The following RCL1 variants were observed in gnomAD, a reference collection of about 807,000 sequenced individuals.
The protein encoded by RCL1 is RNA 3'-terminal phosphate cyclase-like protein.
A neutral mutation model predicts 42.4 loss-of-function variants in RCL1; 24 were observed. The observed-to-expected ratio is 0.57, with a 90% CI of 0.41 to 0.80. The LOEUF is 0.80. RCL1 is among the 30% of genes least tolerant of loss of function. The pLI is 0.00. For missense variants in RCL1, 578 were observed against 467.9 expected, an observed-to-expected ratio of 1.24 and a Z score of -2.17; for synonymous variants, 228 against 177.3, an observed-to-expected ratio of 1.29 and a Z score of -2.27.
intron 8 of RCL1, among the ~76,000 whole-genome samples, chr9:4,850,006 G>T (rs1309012541): frequency 6.6e-6 from 1 of 152,202 alleles, no homozygotes; most frequent in Non-Finnish European, 1.5e-5. Context: ...TGGACTAGTA[G>T]GGAATTGTAG....
At position 4,823,557 on chromosome 9, in the gene RCL1, C is replaced by G. The variant is rs778253688; in HGVS notation, c.146C>G (p.Ala49Gly). The G allele has an allele frequency of 6.2e-7, 1 of 1,609,950 alleles. No individual in the cohort carries two copies. The highest frequency in any genetic ancestry group is 8.5e-7 in the Non-Finnish European group (1 of 1,178,304). ...TTTTTTTTCTTCACAGATTTTGAAG[C>G]CAGCTTCATAAGGCTATTGGACAAA... is the stretch of plus-strand genomic sequence containing the variant. ...DDNPGLRDFE[A>G]SFIRLLDKIT... Residue 49 changes from alanine to glycine, a missense_variant, in exon 2 of 9, where the codon GCC becomes GGC. By Grantham distance (60) the Ala-to-Gly change is moderately conservative. Coordinates refer to ENST00000381750, the MANE Select transcript of RCL1 (RefSeq NM_005772.5).
intron 5 of RCL1, 144 bp downstream of exon 5, chr9:4,834,409 T>C: frequency 3.6e-6 from 3 of 840,070 alleles, no homozygotes; most frequent in Non-Finnish European, 5.2e-6. Flanking sequence ...GAAATTGTAA[T>C]TGCTGGCTGA....
chr9:4,845,544 A>C (rs527299296), intron 7 of RCL1, among the ~76,000 whole-genome samples: 72 of 152,366 alleles, frequency 4.7e-4, no homozygotes, highest in African/African-American at 1.6e-3. Flanking sequence ...AATAAGATAC[A>C]GTTTCCTAAA....
intron 1 of RCL1, among the ~76,000 whole-genome samples, chr9:4,818,294 C>T (rs543338738): frequency 1.3e-5 from 2 of 152,058 alleles, no homozygotes; most frequent in South Asian, 2.1e-4. Flanking sequence ...ATTTTTCTTT[C>T]TATACAATAC....
Position 4,806,040 on chromosome 9 carries a change from G to GTT in RCL1, c.136+12814_136+12815insTT, listed in dbSNP as rs1554636256. Among the ~76,000 whole-genome samples, 258 of 136,346 alleles carry GTT rather than the reference G, an allele frequency of 1.9e-3. 1 individual carries two copies. The highest frequency in any genetic ancestry group is 6.4e-3 in the African/African-American group (237 of 37,148). The allele number at this position is 136,346 out of a possible 152,430, so 89.4% of individuals were successfully genotyped here. A position where few individuals can be genotyped will look rare whatever the true frequency, so the allele number is the denominator to read the frequency against. ...GGGGTGTGTGTGTGTGTGTGTGTGT[G>GTT]TGTGTTTGTGTGTGTGTGTGTGTTT... On this transcript the variant is annotated intron_variant, in intron 1 of 8. Coordinates refer to ENST00000381750, the MANE Select transcript of RCL1 (RefSeq NM_005772.5).
intron 5 of RCL1, among the ~76,000 whole-genome samples, chr9:4,840,090 G>C (rs1817265019): frequency 6.6e-6 from 1 of 152,028 alleles, no homozygotes; most frequent in East Asian, 1.9e-4. Context: ...ACTGTCACCA[G>C]CATGAGGAAG....
chr9:4,855,442 G>T (rs572014012), intron 8 of RCL1, among the ~76,000 whole-genome samples: 33 of 152,254 alleles, frequency 2.2e-4, no homozygotes, highest in African/African-American at 7.7e-4. Flanking sequence ...GAAGAGAGGG[G>T]CAGGGAAATA....
chr9:4,858,828 T>C (rs1818053637), intron 8 of RCL1, among the ~76,000 whole-genome samples: 1 of 152,196 alleles, frequency 6.6e-6, no homozygotes, highest in South Asian at 2.1e-4. Context: ...TTTGTAATAC[T>C]TCACTATAGA....
chr9:4,799,315 A>G (rs1159005885), intron 1 of RCL1, among the ~76,000 whole-genome samples: 1 of 152,038 alleles, frequency 6.6e-6, no homozygotes, highest in African/African-American at 2.4e-5. Flanking sequence ...ATCTTTTTTA[A>G]GAAAACAAAC....
chr9:4,803,844 ACTT>A (rs1379352199), intron 1 of RCL1: 4 of 163,040 alleles, frequency 2.5e-5, no homozygotes, highest in Admixed American at 6.2e-5. Context: ...GCAGGGTTGT[ACTT>A]CTGGCATTGG....
chr9:4,793,928 T>C (rs1002804896), intron 1 of RCL1, among the ~76,000 whole-genome samples: 2 of 152,222 alleles, frequency 1.3e-5, no homozygotes, highest in African/African-American at 4.8e-5. Context: ...GCTCACTTCT[T>C]GCTCTGCAAT....
chr9:4,826,790 C>T, intron 2 of RCL1, 68 bp from the exon 3 acceptor site: 3 of 1,368,462 alleles, frequency 2.2e-6, no homozygotes, highest in Non-Finnish European at 3.0e-6. Flanking sequence ...GAACTCACTG[C>T]CTTCATTACC....
Position 4,860,320 on chromosome 9 carries a change from AGCTG to A in RCL1, c.*46_*49del, listed in dbSNP as rs1261099444. 1.3e-6 allele frequency: 2 copies of A among 1,593,860 alleles called. No individual in the cohort carries two copies. Among genetic ancestry groups the A allele is most frequent in the Non-Finnish European group, 1.7e-6 (2 of 1,171,930 alleles). Reference sequence around the variant, plus strand: ...CCCCAATGCCTACAGACAAAGCAGAAGCTGCCACGGACACCAATGGGACCAAGTC... The same window carrying A: ...CCCCAATGCCTACAGACAAAGCAGAACCACGGACACCAATGGGACCAAGTC... On this transcript the variant is annotated 3_prime_UTR_variant, in exon 9 of 9. Coordinates refer to ENST00000381750, the MANE Select transcript of RCL1 (RefSeq NM_005772.5).
chr9:4,860,306 A>G lies in RCL1; in HGVS notation c.*31A>G. 1 of 1,604,770 alleles carries G rather than the reference A, an allele frequency of 6.2e-7. No individual in the cohort carries two copies. The highest frequency in any genetic ancestry group is 1.1e-5 in the South Asian group (1 of 88,898). ...ATCACAAGATAAGGCCCCAATGCCT[A>G]CAGACAAAGCAGAAGCTGCCACGGA... On this transcript the variant is annotated 3_prime_UTR_variant, in exon 9 of 9. Transcript: ENST00000381750.
intron 2 of RCL1, among the ~76,000 whole-genome samples, chr9:4,826,319 G>T (rs544917916): frequency 6.6e-6 from 1 of 152,116 alleles, no homozygotes. Context: ...CACTAAAGCC[G>T]TAAAATAATA....
intron 2 of RCL1, among the ~76,000 whole-genome samples, chr9:4,825,389 A>C (rs983896734): frequency 6.6e-6 from 1 of 152,112 alleles, no homozygotes; most frequent in Non-Finnish European, 1.5e-5. Context: ...TAGTCTTTTT[A>C]TGGTTTTTTG....
At chr9:4,799,357 G>A (rs958241150) in intron 1 of RCL1, among the ~76,000 whole-genome samples, 13 of 152,116 alleles carry the variant, frequency 8.5e-5, no homozygotes, top group African/African-American at 2.4e-4. Flanking sequence ...AGATTCACAT[G>A]CAGTTGTAAT....
chr9:4,854,394 TTTC>T (rs568227206), intron 8 of RCL1, among the ~76,000 whole-genome samples: 39 of 152,166 alleles, frequency 2.6e-4, no homozygotes, highest in Non-Finnish European at 4.4e-4. Context: ...AGCAGATCCT[TTTC>T]TTATCTCCAG....
chr9:4,827,761 CGTGTGT>C (rs59604765), intron 3 of RCL1, among the ~76,000 whole-genome samples: 1 of 147,672 alleles, frequency 6.8e-6, no homozygotes, highest in Admixed American at 6.7e-5. Flanking sequence ...TGTGTGCACG[CGTGTGT>C]GTGTGTGTGT....
Sources: gnomAD v4.1 joint callset for allele counts (sites outside exome capture counted in the v4.1 genomes callset) on GRCh38, gnomAD v4.1.1 for gene constraint, MANE v1.5 for transcripts, NCBI Gene and HGNC (gene_info 2026-07-23, HGNC 2026-07-21) for gene names.